TRIM9: variants seen among roughly 807,000 people sequenced by gnomAD.
The protein encoded by TRIM9 is tripartite motif containing 9, also known as E3 ubiquitin-protein ligase TRIM9.
Under a neutral mutation model 78.3 loss-of-function variants are expected in TRIM9, and 26 were observed. That is an observed-to-expected ratio of 0.33 (90% CI 0.24 to 0.46). TRIM9 has a LOEUF of 0.46. Ranked by LOEUF, TRIM9 falls within the 20% of genes least tolerant of loss-of-function variation. TRIM9 has a pLI of 1.00. For missense variants in TRIM9, 787 were observed against 1,036.4 expected, an observed-to-expected ratio of 0.76 and a Z score of 3.30; for synonymous variants, 398 against 416.5, an observed-to-expected ratio of 0.96 and a Z score of 0.54.
chr14:51,039,231 A>C (rs1015080038), intron 1 of TRIM9, among the ~76,000 whole-genome samples: 7 of 152,230 alleles, frequency 4.6e-5, no homozygotes, highest in African/African-American at 2.4e-5. Flanking sequence ...GTTGCTACTG[A>C]GAGTGTTAAA....
At chr14:51,002,913 C>G (rs1230268339) in intron 5 of TRIM9, among the ~76,000 whole-genome samples, 3 of 152,202 alleles carry the variant, frequency 2.0e-5, no homozygotes, top group Non-Finnish European at 4.4e-5. Context: ...ATGTTTTAAG[C>G]TTCAACGGCA....
intron 5 of TRIM9, among the ~76,000 whole-genome samples, chr14:51,004,239 A>T (rs1444159168): frequency 6.6e-6 from 1 of 152,270 alleles, no homozygotes; most frequent in East Asian, 1.9e-4. Flanking sequence ...TAGCCTGTAA[A>T]ATCAAGCTTT....
intron 1 of TRIM9, among the ~76,000 whole-genome samples, chr14:51,063,704 CA>C (rs1566628980): frequency 6.6e-6 from 1 of 151,850 alleles, no homozygotes. Flanking sequence ...AATACTAAAA[CA>C]AAAATAAAAC....
chr14:51,071,432 G>A (rs1210034141), intron 1 of TRIM9, among the ~76,000 whole-genome samples: 3 of 150,880 alleles, frequency 2.0e-5, no homozygotes, highest in East Asian at 3.9e-4. Flanking sequence ...AAAAGAAAGT[G>A]GAGACAAATA....
intron 1 of TRIM9, among the ~76,000 whole-genome samples, chr14:51,070,558 G>A (rs2062132744): frequency 6.8e-6 from 1 of 148,124 alleles, no homozygotes; most frequent in African/African-American, 2.5e-5. Flanking sequence ...GCATTATAAT[G>A]GTTCAGCATC....
chr14:51,059,129 G>C (rs879736399), intron 1 of TRIM9, among the ~76,000 whole-genome samples: 14 of 152,146 alleles, frequency 9.2e-5, no homozygotes, highest in Non-Finnish European at 1.8e-4. Flanking sequence ...CTCCACAATG[G>C]TCCTGGGAAA....
At chr14:51,084,451 C>T (rs1381153182) in intron 1 of TRIM9, among the ~76,000 whole-genome samples, 1 of 152,164 alleles carries the variant, frequency 6.6e-6, no homozygotes, top group Non-Finnish European at 1.5e-5. Flanking sequence ...AGTGTGTAAA[C>T]ATCATTCAGC....
At chr14:51,069,115 T>G (rs1193494832) in intron 1 of TRIM9, among the ~76,000 whole-genome samples, 1 of 152,186 alleles carries the variant, frequency 6.6e-6, no homozygotes, top group Non-Finnish European at 1.5e-5. Context: ...ATGTGAGAAC[T>G]GATGGACTCT....
At chr14:50,996,039 G>C in intron 7 of TRIM9, 1 of 953,024 alleles carries the variant, frequency 1.0e-6, no homozygotes, top group Non-Finnish European at 1.2e-6. Context: ...TAGAATGAGG[G>C]AGAAACAAAT....
chr14:51,075,399 G>T (rs12897358), intron 1 of TRIM9, among the ~76,000 whole-genome samples: 6,537 of 152,008 alleles, frequency 0.043, 182 homozygotes, highest in Middle Eastern at 0.099. Context: ...TTAGTAACTC[G>T]TCGGTGTACT....
At chr14:51,017,758 C>T (rs2057356345) in intron 3 of TRIM9, among the ~76,000 whole-genome samples, 1 of 152,182 alleles carries the variant, frequency 6.6e-6, no homozygotes, top group African/African-American at 2.4e-5. Context: ...GCAAAGAGTA[C>T]TAAGGAAGCT....
intron 5 of TRIM9, among the ~76,000 whole-genome samples, chr14:51,006,695 T>C (rs1398846944): frequency 6.6e-6 from 1 of 152,244 alleles, no homozygotes; most frequent in East Asian, 1.9e-4. Flanking sequence ...TCCAGTATTA[T>C]ACCAAATGGC....
At chr14:51,020,362 T>C (rs1438565723) in intron 3 of TRIM9, among the ~76,000 whole-genome samples, 1 of 152,008 alleles carries the variant, frequency 6.6e-6, no homozygotes, top group Non-Finnish European at 1.5e-5. Flanking sequence ...ACAGATATAA[T>C]CAGCTGAAAA....
intron 7 of TRIM9, among the ~76,000 whole-genome samples, chr14:50,989,319 C>T (rs1277553862): frequency 1.3e-5 from 2 of 152,158 alleles, no homozygotes; most frequent in South Asian, 2.1e-4. Flanking sequence ...TACTTAAGTG[C>T]GTATTCTGCG....
chr14:50,997,365 C>G, intron 7 of TRIM9: 1 of 985,120 alleles, frequency 1.0e-6, no homozygotes, highest in South Asian at 4.7e-5. Context: ...TGGTGGCTCT[C>G]GGTAGCCTAG....
chr14:50,993,901 A>G (rs1352633506), intron 7 of TRIM9, among the ~76,000 whole-genome samples: 1 of 152,224 alleles, frequency 6.6e-6, no homozygotes, highest in Non-Finnish European at 1.5e-5. Flanking sequence ...AAGTAGAGAA[A>G]GATGACAATA....
chr14:51,075,925 A>G (rs1410065654), intron 1 of TRIM9, among the ~76,000 whole-genome samples: 1 of 152,254 alleles, frequency 6.6e-6, no homozygotes, highest in East Asian at 1.9e-4. Context: ...GAATTCAACA[A>G]ATGTTTCATT....
intron 1 of TRIM9, among the ~76,000 whole-genome samples, chr14:51,026,704 TATGCACACCAA>T (rs576578654): frequency 2.4e-4 from 36 of 152,318 alleles, no homozygotes; most frequent in African/African-American, 7.7e-4. Flanking sequence ...TCTCTAAAAA[TATGCACACCAA>T]ATGCTTGGTT....
rs567970762 is a variant in TRIM9, at chr14:51,092,752, C to T, written c.822+1366G>A. The stretch of plus-strand genomic sequence containing the variant: ...TATAAGGATCTTCTTCCTCATGAGG[C>T]TTATTTCGTTTATGTCTGTGTGTGT... On this transcript the variant is annotated intron_variant, in intron 1 of 12. Coordinates refer to ENST00000684578, the MANE Select transcript of TRIM9 (RefSeq NM_001387360.1). 5.9e-5 allele frequency among the ~76,000 whole-genome samples: 9 copies of T among 152,286 alleles called. No homozygotes were observed. The South Asian group carries it at 1.5e-3, about 25-fold the overall frequency.
Sources: allele counts gnomAD v4.1 joint callset (sites outside exome capture counted in the v4.1 genomes callset), GRCh38; gene constraint gnomAD v4.1.1; transcripts MANE v1.5; gene names NCBI Gene and HGNC (gene_info 2026-07-23, HGNC 2026-07-21).